The following DCT variants were observed in gnomAD, a reference collection of about 807,000 sequenced individuals.
The protein encoded by DCT is dopachrome tautomerase.
In DCT, 47 loss-of-function variants were observed where a neutral mutation model predicts 53.0. That is an observed-to-expected ratio of 0.89 (90% CI 0.70 to 1.13). The LOEUF (loss-of-function observed/expected upper bound fraction) is 1.13, where lower values mean the gene tolerates loss of function less well. Ranked by LOEUF, DCT falls within the 50% of genes most tolerant of loss-of-function variation. The pLI is 0.00. For missense variants in DCT, 669 were observed against 637.4 expected, an observed-to-expected ratio of 1.05 and a Z score of -0.53; for synonymous variants, 244 against 237.0, an observed-to-expected ratio of 1.03 and a Z score of -0.27.
At chr13:94,461,755 G>A (rs967931190) in intron 5 of DCT, among the ~76,000 whole-genome samples, 1 of 152,154 alleles carries the variant, frequency 6.6e-6, no homozygotes, top group African/African-American at 2.4e-5. Context: ...ACCTATTAAT[G>A]TACTGCAATT....
chr13:94,530,072 C>T, the DCT span, among the ~76,000 whole-genome samples: 1 of 152,276 alleles, frequency 6.6e-6, no homozygotes, highest in Middle Eastern at 3.4e-3. Flanking sequence ...CCTCCCAAGA[C>T]TAAACCAGGA....
chr13:94,463,362 A>G (rs1883946556), intron 4 of DCT, among the ~76,000 whole-genome samples: 1 of 145,104 alleles, frequency 6.9e-6, no homozygotes, highest in Non-Finnish European at 1.5e-5. Flanking sequence ...TGCAACCTCC[A>G]CCTCCTGAGT....
intron 7 of DCT, 36 bp downstream of exon 7, chr13:94,443,400 T>C: frequency 1.4e-6 from 2 of 1,472,234 alleles, no homozygotes. Flanking sequence ...CTTTAGAAGA[T>C]GAATGAATCA....
chr13:94,527,406 G>GC, the DCT span, among the ~76,000 whole-genome samples: 3 of 152,212 alleles, frequency 2.0e-5, no homozygotes, highest in East Asian at 5.8e-4. Flanking sequence ...AAACAGGCAG[G>GC]TGCCCCCTGG....
the DCT span, among the ~76,000 whole-genome samples, chr13:94,486,740 G>T: frequency 6.6e-6 from 1 of 152,146 alleles, no homozygotes; most frequent in Non-Finnish European, 1.5e-5. Flanking sequence ...CAGTTATGAA[G>T]CTTGGAGCCA....
chr13:94,467,570 T>C (rs915933697), intron 2 of DCT: 2 of 152,184 alleles, frequency 1.3e-5, no homozygotes, highest in Non-Finnish European at 2.9e-5. Context: ...AGCCTCCTTA[T>C]CTATCGATAA....
intron 1 of DCT, among the ~76,000 whole-genome samples, chr13:94,472,938 G>A (rs1884843340): frequency 6.6e-6 from 1 of 152,056 alleles, no homozygotes; most frequent in African/African-American, 2.4e-5. Flanking sequence ...TTATCAAATA[G>A]TATAGCAATT....
At chr13:94,471,990 C>G (rs1594317193) in intron 1 of DCT, among the ~76,000 whole-genome samples, 1 of 151,840 alleles carries the variant, frequency 6.6e-6, no homozygotes, top group East Asian at 1.9e-4. Context: ...CAAAACTGAT[C>G]TAAAATAATA....
intron 1 of DCT, among the ~76,000 whole-genome samples, chr13:94,476,514 T>C (rs9516423): frequency 0.29 from 43,083 of 147,222 alleles, 6,593 homozygotes; most frequent in Non-Finnish European, 0.32. Flanking sequence ...CACTCTATTG[T>C]TGCCCAGGCT....
the DCT span, among the ~76,000 whole-genome samples, chr13:94,495,982 C>T: frequency 1.3e-5 from 2 of 152,252 alleles, no homozygotes; most frequent in Non-Finnish European, 2.9e-5. Context: ...AAAGGAACAA[C>T]GCGCCTCTGA....
intron 6 of DCT, among the ~76,000 whole-genome samples, chr13:94,446,014 TCTC>T (rs954362965): frequency 3.9e-5 from 6 of 152,034 alleles, no homozygotes; most frequent in African/African-American, 1.4e-4. Flanking sequence ...GCCTGAGACT[TCTC>T]CTCCACACTG....
chr13:94,493,736 T>G, the DCT span, among the ~76,000 whole-genome samples: 1 of 152,110 alleles, frequency 6.6e-6, no homozygotes, highest in Non-Finnish European at 1.5e-5. Context: ...CAGAGGCTTG[T>G]AGGGAGGGAG....
intron 2 of DCT, 153 bp downstream of exon 2, chr13:94,468,593 G>A (rs1412593938): frequency 1.1e-5 from 8 of 696,268 alleles, no homozygotes; most frequent in Non-Finnish European, 2.0e-5. Context: ...TCTAACTCCA[G>A]GCGGTATTTG....
the DCT span, among the ~76,000 whole-genome samples, chr13:94,526,358 A>G: frequency 6.6e-6 from 1 of 152,234 alleles, no homozygotes; most frequent in South Asian, 2.1e-4. Flanking sequence ...ACTGTATTTG[A>G]GTAACACGGA....
intron 6 of DCT, among the ~76,000 whole-genome samples, chr13:94,456,297 C>T (rs1454430367): frequency 6.6e-6 from 1 of 152,178 alleles, no homozygotes. Flanking sequence ...CCTGACTATG[C>T]TTTAATCTAT....
At chr13:94,455,851 T>C (rs1883379751) in intron 6 of DCT, among the ~76,000 whole-genome samples, 2 of 152,202 alleles carry the variant, frequency 1.3e-5, no homozygotes, top group Admixed American at 1.3e-4. Context: ...TTATAACATA[T>C]TGGAGTACTG....
At chr13:94,467,563 C>A (rs1884306956) in intron 2 of DCT, 1 of 152,098 alleles carries the variant, frequency 6.6e-6, no homozygotes, top group South Asian at 2.1e-4. Flanking sequence ...CCAAAAGAGC[C>A]TCCTTATCTA....
At chr13:94,528,858 G>A in the DCT span, among the ~76,000 whole-genome samples, 1 of 151,622 alleles carries the variant, frequency 6.6e-6, no homozygotes, top group Non-Finnish European at 1.5e-5. Flanking sequence ...ATTGGATAAA[G>A]AGTCAAGACC....
the DCT span, among the ~76,000 whole-genome samples, chr13:94,503,122 A>C: frequency 5.9e-5 from 9 of 152,174 alleles, no homozygotes; most frequent in Non-Finnish European, 1.3e-4. Flanking sequence ...CATGCCTATA[A>C]TCCCAGCACT....
Sources: gnomAD v4.1 joint callset for allele counts (sites outside exome capture counted in the v4.1 genomes callset) on GRCh38, gnomAD v4.1.1 for gene constraint, MANE v1.5 for transcripts, NCBI Gene and HGNC (gene_info 2026-07-23, HGNC 2026-07-21) for gene names.